The following TAFA5 variants were observed in gnomAD, a reference collection of about 807,000 sequenced individuals.
TAFA5 encodes TAFA chemokine like family member 5.
Under a neutral mutation model 15.3 loss-of-function variants are expected in TAFA5, and 6 were observed. That is an observed-to-expected ratio of 0.39 (90% CI 0.21 to 0.77). The LOEUF (loss-of-function observed/expected upper bound fraction) is 0.77. Ranked by LOEUF, TAFA5 falls within the 30% of genes least tolerant of loss-of-function variation. The pLI, the probability that TAFA5 is intolerant of heterozygous loss-of-function variation, is 0.41. For synonymous variants in TAFA5, 103 were observed against 80.7 expected, an observed-to-expected ratio of 1.28 and a Z score of -1.48; for missense variants, 161 against 193.1, an observed-to-expected ratio of 0.83 and a Z score of 0.98.
chr22:48,504,659 C>G (rs1920976615), intron 1 of TAFA5, among the ~76,000 whole-genome samples: 1 of 152,202 alleles, frequency 6.6e-6, no homozygotes, highest in South Asian at 2.1e-4. Context: ...TGGGGCTCAC[C>G]TGCCCCACAG....
intron 2 of TAFA5, among the ~76,000 whole-genome samples, chr22:48,661,904 T>C (rs1158035583): frequency 1.7e-5 from 2 of 119,042 alleles, no homozygotes; most frequent in African/African-American, 3.3e-5. Context: ...GGGGAGATGG[T>C]GACTGGGGGG....
At chr22:48,576,348 C>T in intron 1 of TAFA5, 2 of 1,194,500 alleles carry the variant, frequency 1.7e-6, no homozygotes, top group Non-Finnish European at 1.0e-6. Context: ...CCAGTCGCGG[C>T]GGAGCGCGGC....
At chr22:48,544,887 G>A (rs1601569057) in intron 1 of TAFA5, 2 of 469,648 alleles carry the variant, frequency 4.3e-6, no homozygotes, top group Non-Finnish European at 8.8e-6. Flanking sequence ...CAGACTCGGG[G>A]CTGAAGTCTG....
intron 2 of TAFA5, among the ~76,000 whole-genome samples, chr22:48,647,756 G>A (rs1323810120): frequency 6.6e-6 from 1 of 152,048 alleles, no homozygotes; most frequent in East Asian, 1.9e-4. Context: ...GCAGCCTTGG[G>A]GTGAAGGACC....
At chr22:48,604,076 C>A (rs750561832) in intron 1 of TAFA5, among the ~76,000 whole-genome samples, 1 of 152,202 alleles carries the variant, frequency 6.6e-6, no homozygotes. Context: ...TCACTCCAAG[C>A]GACAGGCGCG....
chr22:48,627,412 C>T (rs1442195054), intron 1 of TAFA5, among the ~76,000 whole-genome samples: 2 of 152,242 alleles, frequency 1.3e-5, no homozygotes, highest in Admixed American at 1.3e-4. Context: ...TGCGTCAGCA[C>T]CCAGAGGGCG....
intron 1 of TAFA5, among the ~76,000 whole-genome samples, chr22:48,523,526 G>A (rs1051509477): frequency 9.9e-5 from 15 of 152,222 alleles, no homozygotes; most frequent in Non-Finnish European, 2.1e-4. Flanking sequence ...GGCTGGCCCG[G>A]GGCCCCGGCT....
intron 3 of TAFA5, among the ~76,000 whole-genome samples, chr22:48,717,687 G>C (rs1039907546): frequency 6.6e-6 from 1 of 152,234 alleles, no homozygotes; most frequent in Non-Finnish European, 1.5e-5. Context: ...GGTGCCATTG[G>C]AGAGTTCCAG....
At chr22:48,679,068 G>A (rs200360229) in intron 2 of TAFA5, among the ~76,000 whole-genome samples, 2,766 of 91,620 alleles carry the variant, frequency 0.03, 423 homozygotes, top group Admixed American at 0.06. Flanking sequence ...TCCCTCTCCC[G>A]TCTCCCTGTC....
chr22:48,672,411 T>G (rs1927829977), intron 2 of TAFA5, among the ~76,000 whole-genome samples: 1 of 152,234 alleles, frequency 6.6e-6, no homozygotes, highest in South Asian at 2.1e-4. Context: ...TAAGGAAACT[T>G]CTATTAGCTT....
At chr22:48,732,027 A>C (rs1231841997) in intron 3 of TAFA5, among the ~76,000 whole-genome samples, 1 of 152,220 alleles carries the variant, frequency 6.6e-6, no homozygotes, top group Non-Finnish European at 1.5e-5. Context: ...AAAATCATCA[A>C]AATTAACACC....
chr22:48,722,929 C>T (rs1929613009), intron 3 of TAFA5, among the ~76,000 whole-genome samples: 1 of 152,166 alleles, frequency 6.6e-6, no homozygotes, highest in South Asian at 2.1e-4. Context: ...TGCATTAATC[C>T]AGAAAGCCAC....
chr22:48,624,904 G>A (rs552906090), intron 1 of TAFA5, among the ~76,000 whole-genome samples: 43 of 152,156 alleles, frequency 2.8e-4, no homozygotes, highest in African/African-American at 9.6e-4. Flanking sequence ...GTTCAAGACC[G>A]GCCTGGCCAA....
At chr22:48,653,374 C>A (rs1333841849) in intron 2 of TAFA5, among the ~76,000 whole-genome samples, 1 of 152,190 alleles carries the variant, frequency 6.6e-6, no homozygotes, top group East Asian at 1.9e-4. Flanking sequence ...TGCTTCAGTC[C>A]AGAGGATGCA....
chr22:48,508,017 G>C (rs1921064960), intron 1 of TAFA5, among the ~76,000 whole-genome samples: 1 of 152,058 alleles, frequency 6.6e-6, no homozygotes, highest in African/African-American at 2.4e-5. Flanking sequence ...GGGAGGGGTT[G>C]TTGGGCAGTG....
At chr22:48,651,154 C>T (rs915599708) in intron 2 of TAFA5, among the ~76,000 whole-genome samples, 11 of 152,184 alleles carry the variant, frequency 7.2e-5, no homozygotes, top group Admixed American at 1.3e-4. Flanking sequence ...GACTGCAGCC[C>T]AGTAGCGGGG....
At chr22:48,697,424 T>G (rs1928749443) in intron 2 of TAFA5, among the ~76,000 whole-genome samples, 1 of 150,232 alleles carries the variant, frequency 6.7e-6, no homozygotes, top group Admixed American at 6.7e-5. Context: ...ATGACAAGGA[T>G]GAGGAAGATG....
chr22:48,509,950 CA>C (rs144036099), intron 1 of TAFA5, among the ~76,000 whole-genome samples: 2,312 of 91,198 alleles, frequency 0.025, 19 homozygotes, highest in South Asian at 0.057. Context: ...GAATCTGTCT[CA>C]AAAAAAAAAA....
At chr22:48,658,506 C>T (rs893869607) in intron 2 of TAFA5, among the ~76,000 whole-genome samples, 1 of 152,230 alleles carries the variant, frequency 6.6e-6, no homozygotes, top group African/African-American at 2.4e-5. Context: ...GACGGAGCAC[C>T]GTGACAGTTG....
Sources: allele counts gnomAD v4.1 joint callset (sites outside exome capture counted in the v4.1 genomes callset), GRCh38; gene constraint gnomAD v4.1.1; transcripts MANE v1.5; gene names NCBI Gene and HGNC (gene_info 2026-07-23, HGNC 2026-07-21).